The following JMJD8 variants were observed in gnomAD, a reference collection of about 807,000 sequenced individuals.
The protein encoded by JMJD8 is jumonji domain containing 8.
In JMJD8, 56 loss-of-function variants were observed where a neutral mutation model predicts 37.6. The ratio of observed to expected loss-of-function variants is 1.49; its 90% confidence interval spans 1.20 to 1.86. The LOEUF is 1.86. JMJD8 is among the 40% of genes most tolerant of loss of function. JMJD8 has a pLI of 0.00. For synonymous variants in JMJD8, 261 were observed against 163.7 expected (o/e 1.59, Z -4.54); for missense variants, 542 against 362.7 (o/e 1.49, Z -4.01).
rs997517972 is a variant in JMJD8 at position 682,539 on chromosome 16, G to A, written c.*255C>T. 9 of 1,608,868 alleles carry A rather than the reference G, an allele frequency of 5.6e-6. No individual in the cohort carries two copies. The highest frequency in any genetic ancestry group is 2.2e-5 in the East Asian group (1 of 44,832). ...TGGTCCAGGGGAGCCCTGGGCAGAA[G>A]CCCCCGGCCCCTATACATAGTTTAT... is the stretch of plus-strand genomic sequence containing the variant. On this transcript the variant is annotated 3_prime_UTR_variant, in exon 9 of 9. Coordinates refer to ENST00000609261, the MANE Select transcript of JMJD8 (RefSeq NM_001005920.4).
rs1462945633 is a variant in JMJD8, at chr16:684,084, T to C, written c.158A>G (p.Tyr53Cys). ...CTVERRADLT[Y>C]AEFVQQYAFV... ...CACGTACTGCTGCACGAACTCCGCG[T>C]AGGTGAGGTCGGCCCGACGCTCCAC... is the stretch of plus-strand genomic sequence containing the variant. The change falls in exon 2 of 9, where the codon TAC (tyrosine) becomes TGC (cysteine). Residue 53 changes from tyrosine to cysteine, a missense_variant. Coordinates refer to ENST00000609261, the MANE Select transcript of JMJD8 (RefSeq NM_001005920.4). 6.3e-7 allele frequency: 1 copy of C among 1,578,318 alleles called. No homozygotes were observed. Among genetic ancestry groups the C allele is most frequent in the Non-Finnish European group, 8.5e-7 (1 of 1,170,768 alleles).
Position 681,704 on chromosome 16 carries a change from T to C in JMJD8, c.*1090A>G, listed in dbSNP as rs2039660050. ...AGGCTTTACTGGCAAGCAGGAAATG[T>C]GGGGAAGTGTGGATGTTAGCTCTGA... On this transcript the variant is annotated 3_prime_UTR_variant, in exon 9 of 9. Coordinates refer to ENST00000609261, the MANE Select transcript of JMJD8 (RefSeq NM_001005920.4). The C allele has an allele frequency of 1.3e-6, 2 of 1,551,186 alleles. No homozygotes were observed. Among genetic ancestry groups the C allele is most frequent in the Non-Finnish European group, 1.7e-6 (2 of 1,142,862 alleles).
chr16:684,150 G>A lies in JMJD8; in HGVS notation c.92C>T (p.Pro31Leu), dbSNP rs1266087702. Reference sequence around the variant, plus strand: ...CTCCGCCACGGCCCCCGGCCCGCCCGGGCGCCTGCGGGCACAGCTGGGTCA... The same window carrying A: ...CTCCGCCACGGCCCCCGGCCCGCCCAGGCGCCTGCGGGCACAGCTGGGTCA... ...SGAEGDGGWR[P>L]GGPGAVAEEE... The change falls in exon 2 of 9, where the codon CCG becomes CTG. Residue 31 changes from proline (P) to leucine (L), a missense_variant. Coordinates refer to ENST00000609261, the MANE Select transcript of JMJD8 (RefSeq NM_001005920.4). 6.8e-6 allele frequency: 10 copies of A among 1,471,384 alleles called. No homozygotes were observed. The highest frequency in any genetic ancestry group is 2.9e-5 in the East Asian group (1 of 34,654). 91.1% of individuals were successfully genotyped at this position (1,471,384 alleles called of 1,614,324 possible).
intron 8 of JMJD8, 37 bp downstream of exon 8, chr16:682,916 T>TCTAGC: frequency 6.2e-7 from 1 of 1,612,174 alleles, no homozygotes; most frequent in East Asian, 2.2e-5. Flanking sequence ...GCTGCGGGCC[T>TCTAGC]CTAGCCTGGC....
At chr16:683,825 G>C (rs1168120341) in intron 3 of JMJD8, 36 bp downstream of exon 3, 1 of 1,586,650 alleles carries the variant, frequency 6.3e-7, no homozygotes, top group Non-Finnish European at 8.6e-7. Context: ...CCCAGCACGG[G>C]CGAGAGTGGC....
At position 683,452 on chromosome 16, in the gene JMJD8, A is replaced by G. The variant is rs2039780249; in HGVS notation, c.392-11T>C. 1.3e-6 allele frequency: 2 copies of G among 1,550,906 alleles called. No individual in the cohort carries two copies. On this transcript the variant is annotated splice_polypyrimidine_tract_variant and intron_variant, in intron 5 of 8. Transcript: ENST00000609261. ...AGAAGTACAGGGTGTCTGCCAACAGAGACGGCGGGGACAGGGATCCTGGCA... is the reference window on the plus strand; with the variant it reads ...AGAAGTACAGGGTGTCTGCCAACAGGGACGGCGGGGACAGGGATCCTGGCA...
In JMJD8 at chr16:682,708, T is replaced by C. The variant is rs568008188; in HGVS notation, c.*86A>G. On this transcript the variant is annotated 3_prime_UTR_variant, in exon 9 of 9. Transcript: ENST00000609261. The stretch of plus-strand genomic sequence containing the variant: ...GTGAGGGTGGGCTGGGCTGAGGCCA[T>C]TGCCGCCACTATCTGTGTAATAAAA... 44 of 1,507,098 alleles carry C rather than the reference T, an allele frequency of 2.9e-5. No individual in the cohort carries two copies. The Admixed American group carries it at 7.0e-4, about 24-fold the overall frequency. The allele number at this position is 1,507,098 out of a possible 1,614,324, so 93.4% of individuals were successfully genotyped here. A position where few individuals can be genotyped will look rare whatever the true frequency, so the allele number is the denominator to read the frequency against.
Position 682,185 on chromosome 16 carries a change from C to A in JMJD8, c.*609G>T, listed in dbSNP as rs1185371126. 1 of 1,609,584 alleles carries A rather than the reference C, an allele frequency of 6.2e-7. No individual in the cohort carries two copies. Among genetic ancestry groups the A allele is most frequent in the Admixed American group, 1.7e-5 (1 of 59,952 alleles). ...CACAGAAGCGAGACATCCCCGACTA[C>A]CTGTGTGGCAAGATCAGCTTTGAGC... On this transcript the variant is annotated 3_prime_UTR_variant, in exon 9 of 9. Transcript: ENST00000609261.
In JMJD8 at chr16:682,512, C is replaced by T. The variant is rs778600100; in HGVS notation, c.*282G>A. On this transcript the variant is annotated 3_prime_UTR_variant, in exon 9 of 9. Transcript: ENST00000609261. Reference sequence around the variant, plus strand: ...TGAGGTTCCCTGCCCTACCTGGCGTCCTGGTCCAGGGGAGCCCTGGGCAGA... The same window carrying T: ...TGAGGTTCCCTGCCCTACCTGGCGTTCTGGTCCAGGGGAGCCCTGGGCAGA... 6 of 1,612,768 alleles carry T rather than the reference C, an allele frequency of 3.7e-6. No homozygotes were observed. In the East Asian group the frequency reaches 1.3e-4, roughly 36 times the overall value.
At position 683,156 on chromosome 16, in the gene JMJD8, C is replaced by G. The variant is rs1290492736; in HGVS notation, c.579+11G>C. 3 of 1,613,458 alleles carry G rather than the reference C, an allele frequency of 1.9e-6. No individual in the cohort carries two copies. The highest frequency in any genetic ancestry group is 1.7e-6 in the Non-Finnish European group (2 of 1,179,864). ...GCGAGTCCCAAGCCTCAACCCCCAC[C>G]CCGTGCTGACCTTACGACCGTAGAT... On this transcript the variant is annotated intron_variant, in intron 7 of 8. Coordinates refer to ENST00000609261, the MANE Select transcript of JMJD8 (RefSeq NM_001005920.4).
Position 682,062 on chromosome 16 carries a change from G to C in JMJD8, c.*732C>G. On this transcript the variant is annotated 3_prime_UTR_variant, in exon 9 of 9. Coordinates refer to ENST00000609261, the MANE Select transcript of JMJD8 (RefSeq NM_001005920.4). Reference sequence around the variant, plus strand: ...CATGGACGAGCTTTTTTCTCAGGTGGATGAGAAGAGGAAGGTGAGTGTGTG... The same window carrying C: ...CATGGACGAGCTTTTTTCTCAGGTGCATGAGAAGAGGAAGGTGAGTGTGTG... 1 of 1,584,004 alleles carries C rather than the reference G, an allele frequency of 6.3e-7. No homozygotes were observed. Among genetic ancestry groups the C allele is most frequent in the East Asian group, 2.3e-5 (1 of 44,296 alleles).
rs572525303 is a variant in JMJD8, at chr16:683,981, G to C, written c.177-72C>G. On this transcript the variant is annotated intron_variant, in intron 2 of 8. Transcript: ENST00000609261. Reference sequence around the variant, plus strand: ...CCGCCCCAGCCCCACGCGTGCGCGCGAGGTCAGGGGAAGGCGGCCTTGGGC... The same window carrying C: ...CCGCCCCAGCCCCACGCGTGCGCGCCAGGTCAGGGGAAGGCGGCCTTGGGC... 17 of 1,555,472 alleles carry C rather than the reference G, an allele frequency of 1.1e-5. No homozygotes were observed. The African/African-American group carries it at 2.2e-4, about 20-fold the overall frequency.
rs555953203 is a variant in JMJD8 at position 681,936 on chromosome 16, C to T, written c.*858G>A. The T allele has an allele frequency of 2.5e-6, 4 of 1,612,262 alleles. No homozygotes were observed. Among genetic ancestry groups the T allele is most frequent in the Admixed American group, 3.3e-5 (2 of 60,004 alleles). ...TGTGTGTGTGCACGTGGCGTGGGAGCATCCCCGCCTTGTGTTGGGTCTGTG... is the reference window on the plus strand; with the variant it reads ...TGTGTGTGTGCACGTGGCGTGGGAGTATCCCCGCCTTGTGTTGGGTCTGTG... On this transcript the variant is annotated 3_prime_UTR_variant, in exon 9 of 9. Coordinates refer to ENST00000609261, the MANE Select transcript of JMJD8 (RefSeq NM_001005920.4).
In JMJD8 at chr16:681,730, G is replaced by C. The variant is rs1271278618; in HGVS notation, c.*1064C>G. 1 of 1,554,154 alleles carries C rather than the reference G, an allele frequency of 6.4e-7. No homozygotes were observed. The highest frequency in any genetic ancestry group is 1.4e-5 in the African/African-American group (1 of 73,842). ...GGGGAAGTGTGGATGTTAGCTCTGAGATTGGGGTGTGGTCAGACATCTGGC... is the reference window on the plus strand; with the variant it reads ...GGGGAAGTGTGGATGTTAGCTCTGACATTGGGGTGTGGTCAGACATCTGGC... On this transcript the variant is annotated 3_prime_UTR_variant, in exon 9 of 9. Transcript: ENST00000609261.
intron 2 of JMJD8, 60 bp downstream of exon 2, chr16:684,006 C>G: frequency 1.3e-6 from 2 of 1,559,508 alleles, no homozygotes; most frequent in Non-Finnish European, 1.7e-6. Context: ...CGGCCTTGGG[C>G]GGTCGGGGCA....
chr16:682,279 C>T lies in JMJD8; in HGVS notation c.*515G>A. On this transcript the variant is annotated 3_prime_UTR_variant, in exon 9 of 9. Transcript: ENST00000609261. ...CCGCAAGGACATCGAGGAGCACCTG[C>T]AGGTGAGGCCTGCGGCTGGGGGAGC... 6.4e-7 allele frequency: 1 copy of T among 1,569,152 alleles called. No individual in the cohort carries two copies. Among genetic ancestry groups the T allele is most frequent in the Non-Finnish European group, 8.6e-7 (1 of 1,168,204 alleles).
chr16:684,011 G>C (rs1242478041), intron 2 of JMJD8, 55 bp downstream of exon 2: 1 of 1,561,652 alleles, frequency 6.4e-7, no homozygotes, highest in Non-Finnish European at 8.6e-7. Context: ...TTGGGCGGTC[G>C]GGGCAGACGG....
chr16:682,017 C>T lies in JMJD8; in HGVS notation c.*777G>A. The T allele has an allele frequency of 6.2e-7, 1 of 1,606,110 alleles. No homozygotes were observed. The highest frequency in any genetic ancestry group is 8.5e-7 in the Non-Finnish European group (1 of 1,174,224). On this transcript the variant is annotated 3_prime_UTR_variant, in exon 9 of 9. Coordinates refer to ENST00000609261, the MANE Select transcript of JMJD8 (RefSeq NM_001005920.4). ...CCCAAGCACAGCACTCAACTCTTCA[C>T]AGGACAAGTACATGGCGGACATGGA... is the stretch of plus-strand genomic sequence containing the variant.
At position 683,865 on chromosome 16, in the gene JMJD8, T is replaced by C; in HGVS notation, c.221A>G (p.Asn74Ser). 1.3e-6 allele frequency: 2 copies of C among 1,585,668 alleles called. No homozygotes were observed. The highest frequency in any genetic ancestry group is 2.3e-5 in the South Asian group (2 of 87,340). The change falls in exon 3 of 9, where the codon AAC becomes AGC. Residue 74 changes from asparagine (N) to serine (S), a missense_variant. Coordinates refer to ENST00000609261, the MANE Select transcript of JMJD8 (RefSeq NM_001005920.4). ...GACGGACGGGCACGCGCTCACCGAG[T>C]TGTCCGTGAGTCCCTGCAGGATGAC... ...RPVILQGLTD[N>S]SRFRALCSRD...
Sources: gnomAD v4.1 joint callset for allele counts on GRCh38, gnomAD v4.1.1 for gene constraint, MANE v1.5 for transcripts, NCBI Gene and HGNC (gene_info 2026-07-23, HGNC 2026-07-21) for gene names.